MED23: variants seen among roughly 807,000 people sequenced by gnomAD.
MED23 encodes the protein mediator of RNA polymerase II transcription subunit 23.
MED23 carries 105 observed loss-of-function variants against 163.9 expected under a neutral mutation model. The ratio of observed to expected loss-of-function variants is 0.64; its 90% CI spans 0.55 to 0.75. The LOEUF is 0.75. MED23 is among the 30% of genes least tolerant of loss of function. The pLI, the probability that MED23 is intolerant of heterozygous loss-of-function variation, is 0.00. For synonymous variants in MED23, 561 were observed against 565.6 expected (o/e 0.99, Z 0.12); for missense variants, 1,054 against 1,649.0 (o/e 0.64, Z 6.25).
chr6:131,617,082 A>G (rs1190365241), intron 9 of MED23, among the ~76,000 whole-genome samples: 1 of 149,946 alleles, frequency 6.7e-6, no homozygotes, highest in Non-Finnish European at 1.5e-5. Context: ...TATTAATTTA[A>G]AAATATTAAT....
chr6:131,618,356 G>C (rs541975794), intron 9 of MED23, 51 bp downstream of exon 9: 1 of 1,185,028 alleles, frequency 8.4e-7, no homozygotes, highest in South Asian at 1.2e-5. Context: ...TTATAATCTA[G>C]GTTGAAGACT....
intron 9 of MED23, among the ~76,000 whole-genome samples, chr6:131,616,503 G>C (rs1776700126): frequency 6.6e-6 from 1 of 152,078 alleles, no homozygotes; most frequent in Admixed American, 6.5e-5. Context: ...TAGAATTTCT[G>C]ATAGCCAAAT....
Position 131,598,776 on chromosome 6 carries a change from A to G in MED23, c.2221-15T>C. ...TTGAAGAATGCCTAAAAAGAGGATT[A>G]GAAGTTTATTTCATTGGTTATAGTA... On this transcript the variant is annotated splice_polypyrimidine_tract_variant and intron_variant, in intron 18 of 28. Transcript: ENST00000368068. The surrounding 1 kb of genome is among the most constrained non-coding windows in gnomAD (Gnocchi z 4.7). 6.2e-7 allele frequency: 1 copy of G among 1,610,042 alleles called. No individual in the cohort carries two copies. The highest frequency in any genetic ancestry group is 8.5e-7 in the Non-Finnish European group (1 of 1,176,264).
intron 30 of MED23, chr6:131,579,326 G>A (rs1306976239): frequency 6.2e-7 from 1 of 1,606,442 alleles, no homozygotes; most frequent in South Asian, 1.1e-5. Flanking sequence ...CTGGCACAAA[G>A]GAAGTAACCA....
At chr6:131,627,518 T>A (rs1749998852) in intron 2 of MED23, 35 bp from the exon 3 acceptor site, 2 of 1,601,286 alleles carry the variant, frequency 1.2e-6, no homozygotes, top group African/African-American at 1.3e-5. Context: ...TTGTCATTCG[T>A]TTTAAAAAGG....
chr6:131,622,056 G>T, intron 5 of MED23, 77 bp from the exon 6 acceptor site: 1 of 1,021,248 alleles, frequency 9.8e-7, no homozygotes, highest in Non-Finnish European at 1.5e-6. Context: ...AGGTTTCAGG[G>T]TGATATATTC....
rs201750906 is a variant in MED23, at chr6:131,593,037, C to A, written c.3367G>T (p.Gly1123Trp). The A allele has an allele frequency of 6.2e-7, 1 of 1,614,198 alleles. No homozygotes were observed. The highest frequency in any genetic ancestry group is 2.2e-5 in the East Asian group (1 of 44,882). The change falls in exon 24 of 29, where the codon GGG (glycine) becomes TGG (tryptophan). Residue 1123 changes from glycine to tryptophan, a missense_variant. This residue lies in a region of MED23 where 362 missense variants were observed against 471.6 expected (regional missense o/e 0.77). Transcript: ENST00000368068. ...MALAVSGKEVGNALLNVVLKS... is the reference protein window; with the variant it reads ...MALAVSGKEVWNALLNVVLKS... The stretch of plus-strand genomic sequence containing the variant: ...AGGACAACATTTAGAAGGGCATTCC[C>A]AACTTCTTTGCCTGAAACTGCCAAG...
At chr6:131,578,958 T>C in intron 30 of MED23, 2 of 808,060 alleles carry the variant, frequency 2.5e-6, no homozygotes, top group Admixed American at 2.8e-5. Flanking sequence ...AAAGCAGACA[T>C]GGGTCTACCT....
chr6:131,582,801 A>T, downstream of MED23: 1 of 1,141,944 alleles, frequency 8.8e-7, no homozygotes, highest in African/African-American at 1.5e-5. Flanking sequence ...TATGAGAGAA[A>T]ATTAAACATC....
chr6:131,592,787 T>C, intron 24 of MED23: 1 of 617,276 alleles, frequency 1.6e-6, no homozygotes, highest in Non-Finnish European at 2.8e-6. Flanking sequence ...CAAACTGCTA[T>C]TAATGAGTAG....
chr6:131,599,882 T>C (rs1330744779), intron 18 of MED23, among the ~76,000 whole-genome samples, 156 bp downstream of exon 18: 1 of 152,138 alleles, frequency 6.6e-6, no homozygotes, highest in Non-Finnish European at 1.5e-5. Flanking sequence ...CAGTTAAGAC[T>C]AGAGGCTTGT....
intron 1 of MED23, 131 bp downstream of exon 1, chr6:131,627,880 C>T: frequency 8.0e-7 from 1 of 1,253,054 alleles, no homozygotes; most frequent in Non-Finnish European, 1.2e-6. Context: ...CGCATACAAC[C>T]TCGGTGTCAA....
intron 4 of MED23, among the ~76,000 whole-genome samples, chr6:131,624,441 G>C (rs1049512588): frequency 6.6e-6 from 1 of 152,200 alleles, no homozygotes. Flanking sequence ...AGATATCTGA[G>C]TGGGGAAGCT....
chr6:131,581,153 T>C, intron 30 of MED23: 2 of 1,516,902 alleles, frequency 1.3e-6, no homozygotes, highest in Non-Finnish European at 1.8e-6. Context: ...GAGCATTGAG[T>C]GAATAATATG....
chr6:131,603,354 T>C, intron 15 of MED23, 150 bp from the exon 16 acceptor site: 1 of 849,038 alleles, frequency 1.2e-6, no homozygotes, highest in Non-Finnish European at 1.9e-6. Flanking sequence ...TTTCTTATTT[T>C]CTACTTTAAC....
intron 10 of MED23, among the ~76,000 whole-genome samples, chr6:131,612,042 C>T (rs1776314665): frequency 6.6e-6 from 1 of 152,160 alleles, no homozygotes; most frequent in East Asian, 1.9e-4. Context: ...AGGAAATTTA[C>T]AGTTAAAGCT....
downstream of MED23, among the ~76,000 whole-genome samples, chr6:131,582,051 A>G (rs1287043309): frequency 6.6e-6 from 1 of 152,182 alleles, no homozygotes; most frequent in Non-Finnish European, 1.5e-5. Context: ...TGATACAATT[A>G]TAATATTTGG....
downstream of MED23, among the ~76,000 whole-genome samples, chr6:131,585,260 A>G (rs1341966925): frequency 6.6e-6 from 1 of 152,170 alleles, no homozygotes; most frequent in Non-Finnish European, 1.5e-5. Context: ...AAACAAGGGA[A>G]GCAAAGTTTT....
At chr6:131,581,440 G>C (rs1773920712) in intron 30 of MED23, 4 of 1,507,016 alleles carry the variant, frequency 2.7e-6, no homozygotes, top group Non-Finnish European at 3.6e-6. Flanking sequence ...TCAGGAGGTG[G>C]AAGGGAAATG....
Sources: allele counts gnomAD v4.1 joint callset (sites outside exome capture counted in the v4.1 genomes callset), GRCh38; gene constraint gnomAD v4.1.1; regional missense constraint gnomAD v4.1.1; non-coding constraint Gnocchi (gnomAD v3.1); transcripts MANE v1.5; gene names NCBI Gene and HGNC (gene_info 2026-07-23, HGNC 2026-07-21).